HECW2: variants seen among roughly 807,000 people sequenced by gnomAD.
The protein encoded by HECW2 is E3 ubiquitin-protein ligase HECW2.
In HECW2, 61 loss-of-function variants were observed where a neutral mutation model predicts 175.2. That is an observed-to-expected ratio of 0.35 (90% CI 0.28 to 0.43). The LOEUF is 0.43. HECW2 is among the 20% of genes least tolerant of loss of function. HECW2 has a pLI of 1.00. For missense variants in HECW2, 1,524 were observed against 2,000.5 expected (o/e 0.76, Z 4.54); for synonymous variants, 671 against 731.0 (o/e 0.92, Z 1.32).
At chr2:196,393,560 T>C (rs1694575481) in intron 2 of HECW2, among the ~76,000 whole-genome samples, 1 of 152,136 alleles carries the variant, frequency 6.6e-6, no homozygotes, top group South Asian at 2.1e-4. Flanking sequence ...AAAATGCTCA[T>C]CATCACTGGC....
At chr2:196,419,856 G>A (rs1463409876) in intron 2 of HECW2, among the ~76,000 whole-genome samples, 1 of 151,990 alleles carries the variant, frequency 6.6e-6, no homozygotes, top group Non-Finnish European at 1.5e-5. Context: ...CTACTGTCCC[G>A]TACCCCCACT....
intron 2 of HECW2, among the ~76,000 whole-genome samples, chr2:196,406,246 C>G (rs1381463564): frequency 6.6e-6 from 1 of 152,130 alleles, no homozygotes; most frequent in African/African-American, 2.4e-5. Flanking sequence ...CAAAACAATT[C>G]CTGACTCTCC....
chr2:196,411,920 G>A (rs1244376380), intron 2 of HECW2, among the ~76,000 whole-genome samples: 2 of 152,210 alleles, frequency 1.3e-5, no homozygotes, highest in Admixed American at 1.3e-4. Flanking sequence ...TGAAGCAGGA[G>A]AATCAGTTGA....
At chr2:196,363,209 CAAT>C (rs895571731) in intron 2 of HECW2, among the ~76,000 whole-genome samples, 42 of 152,086 alleles carry the variant, frequency 2.8e-4, no homozygotes, top group African/African-American at 9.9e-4. Flanking sequence ...TAGCAAACAA[CAAT>C]AATAGCAAGC....
intron 2 of HECW2, among the ~76,000 whole-genome samples, chr2:196,349,763 T>C (rs1011072543): frequency 4.6e-5 from 7 of 151,996 alleles, no homozygotes; most frequent in African/African-American, 1.7e-4. Context: ...GATAAAAGAG[T>C]AGAAATAGAA....
intron 2 of HECW2, among the ~76,000 whole-genome samples, chr2:196,412,676 A>G (rs934866654): frequency 3.3e-5 from 5 of 152,242 alleles, no homozygotes; most frequent in Admixed American, 3.3e-4. Context: ...AATTACTGCC[A>G]CATCTTGATG....
chr2:196,490,046 A>T (rs1223148012), intron 1 of HECW2, among the ~76,000 whole-genome samples: 1 of 152,176 alleles, frequency 6.6e-6, no homozygotes, highest in East Asian at 1.9e-4. Context: ...AAGCAAGAGG[A>T]GATGTCAGAA....
intron 1 of HECW2, among the ~76,000 whole-genome samples, chr2:196,499,946 C>T (rs1425249851): frequency 6.6e-6 from 1 of 152,068 alleles, no homozygotes; most frequent in Non-Finnish European, 1.5e-5. Flanking sequence ...TTACAACAAA[C>T]CACCCTTGTG....
At chr2:196,453,818 A>G (rs758681324) in intron 1 of HECW2, among the ~76,000 whole-genome samples, 10 of 152,162 alleles carry the variant, frequency 6.6e-5, no homozygotes, top group Non-Finnish European at 1.0e-4. Context: ...TCGGGGATAG[A>G]GAATCAATAT....
chr2:196,299,087 TAA>T (rs1162130591), intron 13 of HECW2, among the ~76,000 whole-genome samples: 2 of 152,162 alleles, frequency 1.3e-5, no homozygotes, highest in Non-Finnish European at 1.5e-5. Flanking sequence ...TTGCCATATA[TAA>T]GTCAGGAAAA....
intron 28 of HECW2, among the ~76,000 whole-genome samples, chr2:196,205,260 A>G (rs1405930387): frequency 6.6e-6 from 1 of 152,240 alleles, no homozygotes. Flanking sequence ...AAGCTGAGTC[A>G]GTGGCCAAAT....
intron 3 of HECW2, among the ~76,000 whole-genome samples, 196 bp from the exon 4 acceptor site, chr2:196,334,714 T>C (rs947193825): frequency 2.6e-5 from 4 of 152,204 alleles, no homozygotes; most frequent in Non-Finnish European, 5.9e-5. Flanking sequence ...TTGTAACCTC[T>C]TGAACATATC....
chr2:196,416,800 A>C (rs7569671), intron 2 of HECW2, among the ~76,000 whole-genome samples: 3,697 of 152,340 alleles, frequency 0.024, 154 homozygotes, highest in African/African-American at 0.083. Context: ...TCTTATAAAA[A>C]CAGCCCATAA....
chr2:196,538,904 T>G (rs1053988468), intron 1 of HECW2, among the ~76,000 whole-genome samples: 1 of 152,174 alleles, frequency 6.6e-6, no homozygotes, highest in Non-Finnish European at 1.5e-5. Flanking sequence ...AGCAGTTTCC[T>G]CGGAGCTCAG....
intron 14 of HECW2, among the ~76,000 whole-genome samples, chr2:196,286,072 T>G (rs1690376032): frequency 6.6e-6 from 1 of 152,208 alleles, no homozygotes; most frequent in South Asian, 2.1e-4. Flanking sequence ...GCCAGTGTTA[T>G]GTTGGAGATG....
intron 28 of HECW2, among the ~76,000 whole-genome samples, chr2:196,210,333 C>T (rs1367141197): frequency 6.6e-6 from 1 of 151,922 alleles, no homozygotes. Context: ...AAATCACATA[C>T]TCTAACATGT....
chr2:196,299,061 T>C (rs10185350), intron 13 of HECW2, among the ~76,000 whole-genome samples: 31,959 of 152,050 alleles, frequency 0.21, 3,642 homozygotes, highest in Middle Eastern at 0.28. Context: ...CAAGACAAAT[T>C]CAGCTACTTC....
chr2:196,273,502 T>C (rs1173686813), intron 16 of HECW2, among the ~76,000 whole-genome samples: 1 of 152,208 alleles, frequency 6.6e-6, no homozygotes, highest in Non-Finnish European at 1.5e-5. Flanking sequence ...ACAACTCAAG[T>C]TGTTTTTCAG....
chr2:196,283,005 A>G (rs1041387432), intron 14 of HECW2, among the ~76,000 whole-genome samples: 1 of 152,052 alleles, frequency 6.6e-6, no homozygotes, highest in Non-Finnish European at 1.5e-5. Flanking sequence ...TCACACCTGT[A>G]ATCCCAGCAC....
Sources: allele counts gnomAD v4.1 joint callset (sites outside exome capture counted in the v4.1 genomes callset), GRCh38; gene constraint gnomAD v4.1.1; transcripts MANE v1.5; gene names NCBI Gene and HGNC (gene_info 2026-07-23, HGNC 2026-07-21).